The following GABRA4 variants were observed in gnomAD, a reference collection of about 807,000 sequenced individuals.
The protein encoded by GABRA4 is gamma-aminobutyric acid type A receptor subunit alpha4, also known as gamma-aminobutyric acid receptor subunit alpha-4.
GABRA4 carries 12 observed loss-of-function variants against 49.7 expected under a neutral mutation model. The observed-to-expected ratio is 0.24, with a 90% CI of 0.15 to 0.39. GABRA4 has a LOEUF of 0.39. GABRA4 is among the 10% of genes least tolerant of loss of function. The pLI is 1.00. For missense variants in GABRA4, 506 were observed against 686.0 expected (o/e 0.74, Z 2.93); for synonymous variants, 288 against 240.2 (o/e 1.20, Z -1.84).
chr4:46,983,105 A>G (rs571948686), intron 2 of GABRA4, among the ~76,000 whole-genome samples: 1 of 152,260 alleles, frequency 6.6e-6, no homozygotes, highest in South Asian at 2.1e-4. Flanking sequence ...CTGAGTTCAC[A>G]GAGATTAAAT....
chr4:46,988,462 T>A (rs1347077861), intron 2 of GABRA4, among the ~76,000 whole-genome samples: 1 of 152,182 alleles, frequency 6.6e-6, no homozygotes, highest in Non-Finnish European at 1.5e-5. Context: ...GAAGTGCTCT[T>A]TTTGTCTATG....
intron 3 of GABRA4, among the ~76,000 whole-genome samples, chr4:46,978,687 CAAAAAAAAAAAAAAA>C (rs71193889): frequency 4.6e-5 from 1 of 21,662 alleles, no homozygotes; most frequent in South Asian, 3.3e-3. Context: ...AACTTCATCT[CAAAAAAAAAAAAAAA>C]AAAAAAAAAA....
intron 8 of GABRA4, among the ~76,000 whole-genome samples, chr4:46,945,977 G>T (rs1721965074): frequency 6.6e-6 from 1 of 152,120 alleles, no homozygotes; most frequent in Non-Finnish European, 1.5e-5. Flanking sequence ...AAATCAATGA[G>T]AGGTAACATT....
chr4:46,992,694 G>A (rs1723801492), intron 2 of GABRA4, 134 bp downstream of exon 2: 9 of 708,000 alleles, frequency 1.3e-5, no homozygotes, highest in South Asian at 1.2e-4. Context: ...CTCACCAAGA[G>A]AGGAGAGATA....
intron 6 of GABRA4, among the ~76,000 whole-genome samples, chr4:46,971,886 T>C (rs1722960001): frequency 6.6e-6 from 1 of 151,422 alleles, no homozygotes; most frequent in African/African-American, 2.4e-5. Context: ...TCAAGCATGT[T>C]TTACTGGCAT....
Position 46,974,279 on chromosome 4 carries a change from T to G in GABRA4, c.674A>C (p.Asp225Ala), listed in dbSNP as rs1454372886. The G allele has an allele frequency of 6.2e-7, 1 of 1,611,470 alleles. No homozygotes were observed. Among genetic ancestry groups the G allele is most frequent in the Non-Finnish European group, 8.5e-7 (1 of 1,178,440 alleles). Residue 225 changes from aspartate (D) to alanine (A), a missense_variant, in exon 6 of 9, where the codon GAT becomes GCT. Coordinates refer to ENST00000264318, the MANE Select transcript of GABRA4 (RefSeq NM_000809.4). ...ACTTGATACGGTTTGCCCAATCAAA[T>G]CATATTGAACTAAGCTGGAAGACTC... The part of the protein sequence containing the change: ...PKESSSLVQY[D>A]LIGQTVSSET...
chr4:46,979,164 A>T (rs1459736046), intron 2 of GABRA4, 66 bp from the exon 3 acceptor site: 6 of 956,688 alleles, frequency 6.3e-6, no homozygotes, highest in South Asian at 1.4e-5. Flanking sequence ...GGAAGGTTAG[A>T]TAATTACAGA....
chr4:46,990,889 A>G (rs998874728), intron 2 of GABRA4, among the ~76,000 whole-genome samples: 2 of 152,220 alleles, frequency 1.3e-5, no homozygotes, highest in Non-Finnish European at 2.9e-5. Context: ...ATCAGTCAAT[A>G]TACAAATGCT....
At chr4:46,933,397 A>G (rs184869589) in intron 8 of GABRA4, among the ~76,000 whole-genome samples, 43 of 152,220 alleles carry the variant, frequency 2.8e-4, no homozygotes, top group Middle Eastern at 6.8e-3. Context: ...TAAGGCATTT[A>G]AGTTATCTTG....
chr4:46,936,804 C>T (rs970339575), intron 8 of GABRA4, among the ~76,000 whole-genome samples: 8 of 152,142 alleles, frequency 5.3e-5, no homozygotes, highest in Admixed American at 2.0e-4. Flanking sequence ...TGGTCTGGCA[C>T]GATAGTGTCA....
In GABRA4 at chr4:46,964,300, A is replaced by G. The variant is rs559079496; in HGVS notation, c.1134+670T>C. Reference sequence around the variant, plus strand: ...GGAGTTTGGTGGAGGGAAGATGGGGATGATTAATGGGTACAAAGTAATAGA... The same window carrying G: ...GGAGTTTGGTGGAGGGAAGATGGGGGTGATTAATGGGTACAAAGTAATAGA... On this transcript the variant is annotated intron_variant, in intron 8 of 8. Transcript: ENST00000264318. Among the ~76,000 whole-genome samples the G allele has an allele frequency of 3.3e-5, 5 of 151,890 alleles. No individual in the cohort carries two copies. The East Asian group carries it at 7.8e-4, about 24-fold the overall frequency.
intron 5 of GABRA4, among the ~76,000 whole-genome samples, chr4:46,975,636 C>T (rs150879022): frequency 9.2e-5 from 14 of 152,016 alleles, no homozygotes; most frequent in African/African-American, 2.9e-4. Context: ...TTCCAATGTG[C>T]AATTTCTTTA....
At chr4:46,979,427 C>A (rs976811814) in intron 2 of GABRA4, among the ~76,000 whole-genome samples, 1 of 152,026 alleles carries the variant, frequency 6.6e-6, no homozygotes, top group Non-Finnish European at 1.5e-5. Flanking sequence ...TATAGTCCAT[C>A]ATCTGATTGG....
At chr4:46,941,693 G>A (rs570942515) in intron 8 of GABRA4, among the ~76,000 whole-genome samples, 3 of 152,208 alleles carry the variant, frequency 2.0e-5, no homozygotes, top group South Asian at 4.2e-4. Flanking sequence ...AAATGTATGA[G>A]AGCCTGTATT....
chr4:46,988,148 T>C (rs1173313482), intron 2 of GABRA4, among the ~76,000 whole-genome samples: 1 of 152,192 alleles, frequency 6.6e-6, no homozygotes, highest in Non-Finnish European at 1.5e-5. Flanking sequence ...AAGTCTTAGC[T>C]TAAAAGACTT....
intron 7 of GABRA4, among the ~76,000 whole-genome samples, chr4:46,968,889 A>G (rs1269524334): frequency 6.6e-6 from 1 of 151,690 alleles, no homozygotes; most frequent in Non-Finnish European, 1.5e-5. Flanking sequence ...TATATGGCAG[A>G]CAGTCACATT....
chr4:46,939,168 C>G (rs1420126118), intron 8 of GABRA4, among the ~76,000 whole-genome samples: 1 of 151,956 alleles, frequency 6.6e-6, no homozygotes, highest in Non-Finnish European at 1.5e-5. Flanking sequence ...AAGGATAAGG[C>G]AGACCGATAC....
At chr4:46,957,859 AT>A (rs1722421630) in intron 8 of GABRA4, among the ~76,000 whole-genome samples, 1 of 151,992 alleles carries the variant, frequency 6.6e-6, no homozygotes, top group Admixed American at 6.6e-5. Context: ...AATAGAACAT[AT>A]TTTATAAGTT....
At chr4:46,987,836 C>T (rs893951340) in intron 2 of GABRA4, among the ~76,000 whole-genome samples, 7 of 152,084 alleles carry the variant, frequency 4.6e-5, no homozygotes, top group African/African-American at 1.7e-4. Flanking sequence ...GCATTTTTCA[C>T]TCTAACTCAA....
Sources: gnomAD v4.1 joint callset for allele counts (sites outside exome capture counted in the v4.1 genomes callset) on GRCh38, gnomAD v4.1.1 for gene constraint, MANE v1.5 for transcripts, NCBI Gene and HGNC (gene_info 2026-07-23, HGNC 2026-07-21) for gene names.